NSRP1: variants seen among roughly 807,000 people sequenced by gnomAD.
NSRP1 encodes coiled-coil domain containing 55.
In NSRP1, 24 loss-of-function variants were observed where a neutral mutation model predicts 54.7. The ratio of observed to expected loss-of-function variants is 0.44; its 90% confidence interval spans 0.32 to 0.62. The LOEUF is 0.62. Among genes scored for constraint, NSRP1 ranks in the 20% least tolerant of loss-of-function variants. NSRP1 has a pLI of 0.06. For missense variants in NSRP1, 596 were observed against 651.2 expected (o/e 0.92, Z 0.92); for synonymous variants, 210 against 213.8 (o/e 0.98, Z 0.15).
intron 3 of NSRP1, among the ~76,000 whole-genome samples, chr17:30,175,812 T>C (rs947571736): frequency 1.3e-5 from 2 of 152,170 alleles, no homozygotes; most frequent in African/African-American, 4.8e-5. Flanking sequence ...TTTTTATAAA[T>C]ATTTCCTCTG....
intron 3 of NSRP1, among the ~76,000 whole-genome samples, chr17:30,177,436 A>G (rs77217148): frequency 0.013 from 1,921 of 152,172 alleles, 37 homozygotes; most frequent in African/African-American, 0.043. Flanking sequence ...AGTTTAGAAG[A>G]AAGATCATTG....
At position 30,171,638 on chromosome 17, in the gene NSRP1, C is replaced by A. The variant is rs191878400; in HGVS notation, c.115-904C>A. 6.6e-5 allele frequency among the ~76,000 whole-genome samples: 10 copies of A among 151,618 alleles called. 1 individual carries two copies. The Middle Eastern group carries it at 0.01, about 155-fold the overall frequency. ...TGTGATTATTTCTTTAATTGTCTTC[C>A]CTTTCAGACTGTTTATCTGAAAAAC... On this transcript the variant is annotated intron_variant, in intron 2 of 6. Transcript: ENST00000247026.
intron 2 of NSRP1, among the ~76,000 whole-genome samples, chr17:30,134,521 GA>G (rs2071731388): frequency 6.6e-6 from 1 of 152,204 alleles, no homozygotes. Flanking sequence ...GTTGTCTTAG[GA>G]TAGAGATAAT....
chr17:30,160,314 C>A (rs1040442291), intron 2 of NSRP1, among the ~76,000 whole-genome samples: 7 of 151,984 alleles, frequency 4.6e-5, no homozygotes, highest in African/African-American at 1.7e-4. Context: ...GGTTTCAGGG[C>A]TTCACAGAAT....
chr17:30,171,729 C>T (rs1904939799), intron 2 of NSRP1, among the ~76,000 whole-genome samples: 1 of 152,086 alleles, frequency 6.6e-6, no homozygotes, highest in African/African-American at 2.4e-5. Flanking sequence ...TCCTCAGGAC[C>T]TAAACATGCT....
At chr17:30,165,478 T>C (rs1290129728) in intron 2 of NSRP1, among the ~76,000 whole-genome samples, 1 of 152,178 alleles carries the variant, frequency 6.6e-6, no homozygotes, top group African/African-American at 2.4e-5. Context: ...AGTTTAAAAA[T>C]ACGCTTTTTA....
At chr17:30,155,073 G>C (rs1296797566) in intron 2 of NSRP1, among the ~76,000 whole-genome samples, 1 of 152,004 alleles carries the variant, frequency 6.6e-6, no homozygotes, top group Non-Finnish European at 1.5e-5. Flanking sequence ...TACTCCATCT[G>C]GGTAATGTTA....
intron 2 of NSRP1, among the ~76,000 whole-genome samples, chr17:30,134,325 T>C (rs557554975): frequency 1.3e-5 from 2 of 152,310 alleles, no homozygotes; most frequent in South Asian, 2.1e-4. Flanking sequence ...GTTTGAAATA[T>C]TGTGAGAATT....
chr17:30,139,216 T>C (rs1458769496), intron 2 of NSRP1, among the ~76,000 whole-genome samples: 2 of 151,978 alleles, frequency 1.3e-5, no homozygotes, highest in Non-Finnish European at 2.9e-5. Context: ...CGCACCCAGC[T>C]ATCTTTGCCC....
intron 1 of NSRP1, chr17:30,117,208 G>T (rs193157420): frequency 1.2e-5 from 8 of 644,966 alleles, no homozygotes; most frequent in Non-Finnish European, 2.3e-5. Context: ...CTCAGGGGCA[G>T]TGTGAAGAGA....
At chr17:30,167,065 T>C (rs1318392542) in intron 2 of NSRP1, among the ~76,000 whole-genome samples, 2 of 152,240 alleles carry the variant, frequency 1.3e-5, no homozygotes, top group South Asian at 2.1e-4. Context: ...CAGTCTGTTA[T>C]CTACCTTTTC....
chr17:30,151,513 A>G (rs759277753), intron 2 of NSRP1, among the ~76,000 whole-genome samples: 9 of 152,158 alleles, frequency 5.9e-5, no homozygotes, highest in Non-Finnish European at 1.3e-4. Flanking sequence ...TATATTTCCT[A>G]TTTATTAAGT....
chr17:30,152,685 A>G (rs552204509), intron 2 of NSRP1, among the ~76,000 whole-genome samples: 1 of 151,782 alleles, frequency 6.6e-6, no homozygotes, highest in South Asian at 2.1e-4. Context: ...TCCCCTTTGA[A>G]TTGTCTTGGT....
chr17:30,128,509 C>T (rs2071670846), intron 2 of NSRP1, among the ~76,000 whole-genome samples: 1 of 152,068 alleles, frequency 6.6e-6, no homozygotes, highest in South Asian at 2.1e-4. Context: ...TTTTTGGAAG[C>T]AGATGGACCT....
At chr17:30,140,520 C>CTTTTTTTT (rs10608409) in intron 2 of NSRP1, among the ~76,000 whole-genome samples, 1 of 50,314 alleles carries the variant, frequency 2.0e-5, no homozygotes, top group African/African-American at 7.8e-5. Context: ...TCAGATTTTA[C>CTTTTTTTT]TTTTTTTTTT....
intron 1 of NSRP1, chr17:30,117,471 T>A: frequency 2.4e-6 from 1 of 423,064 alleles, no homozygotes; most frequent in Non-Finnish European, 4.2e-6. Flanking sequence ...GGCCAAAACG[T>A]GAGAAACTAA....
chr17:30,179,320 G>A, intron 5 of NSRP1, 23 bp downstream of exon 5: 1 of 1,548,604 alleles, frequency 6.5e-7, no homozygotes, highest in Non-Finnish European at 8.7e-7. Flanking sequence ...AGTGGGAAAG[G>A]CACAAGGAAA....
chr17:30,151,170 A>C (rs2071905828), intron 2 of NSRP1, among the ~76,000 whole-genome samples: 1 of 152,230 alleles, frequency 6.6e-6, no homozygotes, highest in South Asian at 2.1e-4. Context: ...TTCTTCTTTG[A>C]AAAAAGTGTT....
At chr17:30,132,552 AAAAAG>A (rs1447752093) in intron 2 of NSRP1, among the ~76,000 whole-genome samples, 4 of 152,224 alleles carry the variant, frequency 2.6e-5, no homozygotes, top group African/African-American at 7.2e-5. Context: ...AGACTGTCTC[AAAAAG>A]AAAAGAAACC....
Sources: gnomAD v4.1 joint callset for allele counts (sites outside exome capture counted in the v4.1 genomes callset) on GRCh38, gnomAD v4.1.1 for gene constraint, MANE v1.5 for transcripts, NCBI Gene and HGNC (gene_info 2026-07-23, HGNC 2026-07-21) for gene names.